SRSF5: variants seen among roughly 807,000 people sequenced by gnomAD.
SRSF5 encodes serine/arginine-rich splicing factor 5.
Under a neutral mutation model 34.0 loss-of-function variants are expected in SRSF5, and 5 were observed. The ratio of observed to expected loss-of-function variants is 0.15; its 90% CI spans 0.08 to 0.31. SRSF5 has a LOEUF of 0.31. SRSF5 is among the 10% of genes least tolerant of loss of function. The pLI is 1.00. For synonymous variants in SRSF5, 164 were observed against 117.7 expected (o/e 1.39, Z -2.55); for missense variants, 223 against 351.4 (o/e 0.63, Z 2.92).
intron 1 of SRSF5, 163 bp from the exon 2 acceptor site, chr14:69,767,970 TTTTCA>T (rs1193824583): frequency 1.5e-6 from 1 of 680,284 alleles, no homozygotes; most frequent in Non-Finnish European, 2.4e-6. Context: ...GGGAGCTGGG[TTTTCA>T]TTTTGTCTGC....
intron 6 of SRSF5, 91 bp from the exon 7 acceptor site, chr14:69,770,904 T>G (rs1028443946): frequency 8.9e-7 from 1 of 1,122,642 alleles, no homozygotes; most frequent in Non-Finnish European, 1.3e-6. Context: ...ATAGCAAAAG[T>G]GAACATAGAA....
intron 1 of SRSF5, chr14:69,767,546 T>C (rs766803803): frequency 2.2e-6 from 1 of 455,922 alleles, no homozygotes. Flanking sequence ...GGGATCTCCC[T>C]GACTTTGCTG....
intron 1 of SRSF5, chr14:69,767,470 G>A (rs1377804824): frequency 2.2e-6 from 1 of 455,906 alleles, no homozygotes; most frequent in Admixed American, 2.3e-5. Context: ...TTTTTACACA[G>A]CGGTTGTGCG....
intron 6 of SRSF5, 165 bp from the exon 7 acceptor site, chr14:69,770,830 T>C: frequency 1.4e-6 from 1 of 710,510 alleles, no homozygotes; most frequent in African/African-American, 1.8e-5. Flanking sequence ...GCTCAAAGTA[T>C]AACAGTGCCA....
chr14:69,770,163 C>CT (rs1280621233), intron 5 of SRSF5: 2 of 1,084,210 alleles, frequency 1.8e-6, no homozygotes, highest in East Asian at 6.2e-5. Flanking sequence ...GTACTGTTTC[C>CT]TTTTTTGTTG....
chr14:69,769,129 A>C (rs111428331), intron 4 of SRSF5, 53 bp from the exon 5 acceptor site: 18 of 1,602,762 alleles, frequency 1.1e-5, no homozygotes, highest in African/African-American at 5.4e-5. Flanking sequence ...ACAGTTGAAC[A>C]CAAGTGCTGT....
At chr14:69,770,053 C>CT (rs1192604553) in intron 5 of SRSF5, 1 of 1,016,106 alleles carries the variant, frequency 9.8e-7, no homozygotes, top group African/African-American at 1.7e-5. Flanking sequence ...GTAAAGTAAA[C>CT]TTTTTTAATG....
At chr14:69,769,042 A>G (rs1484222939) in intron 4 of SRSF5, 140 bp from the exon 5 acceptor site, 7 of 1,280,570 alleles carry the variant, frequency 5.5e-6, no homozygotes, top group African/African-American at 3.0e-5. Flanking sequence ...TGATGAATCT[A>G]TATGAGTCAT....
In SRSF5 at chr14:69,770,929, C is replaced by G. The variant is rs961603308; in HGVS notation, c.441-66C>G. On this transcript the variant is annotated intron_variant, in intron 6 of 7. Transcript: ENST00000557154. ...TGAACATAGAAACGACTTACCTAGA[C>G]TGCTGTGTGCAATGTGTGAGACTAC... 7 of 1,358,104 alleles carry G rather than the reference C, an allele frequency of 5.2e-6. No homozygotes were observed. The African/African-American group carries it at 8.8e-5, about 17-fold the overall frequency. The allele number at this position is 1,358,104 out of a possible 1,614,324, so 84.1% of individuals were successfully genotyped here. A position where few individuals can be genotyped will look rare whatever the true frequency, so the allele number is the denominator to read the frequency against.
rs192471217 is a variant in SRSF5, at chr14:69,769,169, T to A, written c.297-13T>A. ...GCATTTCTTCCATTGTGAATACGAA[T>A]TTTCTTCCTCAGAAATGCTCCACCT... On this transcript the variant is annotated splice_polypyrimidine_tract_variant and intron_variant, in intron 4 of 7. Transcript: ENST00000557154. The A allele has an allele frequency of 7.4e-6, 12 of 1,614,202 alleles. No individual in the cohort carries two copies. The Admixed American group carries it at 1.7e-4, about 22-fold the overall frequency.
chr14:69,769,955 C>T (rs1229844521), intron 5 of SRSF5: 2 of 1,058,460 alleles, frequency 1.9e-6, no homozygotes, highest in Non-Finnish European at 2.3e-6. Context: ...AAGTGGGTGG[C>T]GAAGAGCCAG....
At chr14:69,770,578 C>T (rs373928563) in intron 6 of SRSF5, 38 bp downstream of exon 6, 95 of 1,569,284 alleles carry the variant, frequency 6.1e-5, no homozygotes, top group Non-Finnish European at 7.2e-5. Flanking sequence ...TAAAAATATC[C>T]GGAAAATTTT....
intron 5 of SRSF5, chr14:69,769,643 C>T: frequency 1.3e-6 from 2 of 1,532,280 alleles, no homozygotes; most frequent in Non-Finnish European, 8.7e-7. Flanking sequence ...ACCTCTAGAT[C>T]TGTGTTTGCC....
At chr14:69,768,711 A>T in intron 3 of SRSF5, 37 bp downstream of exon 3, 1 of 1,609,116 alleles carries the variant, frequency 6.2e-7, no homozygotes, top group Admixed American at 1.7e-5. Flanking sequence ...CCTGGGACAT[A>T]GAGCAGACTG....
intron 6 of SRSF5, chr14:69,770,741 G>A: frequency 4.7e-6 from 3 of 642,944 alleles, no homozygotes; most frequent in East Asian, 2.7e-5. Context: ...AGAGGATGCT[G>A]TTGGCATGTA....
rs1883234579 is a variant in SRSF5 at position 69,771,749 on chromosome 14, T to G, written c.*288T>G. 3.5e-6 allele frequency: 1 copy of G among 282,352 alleles called. No homozygotes were observed. Among genetic ancestry groups the G allele is most frequent in the South Asian group, 8.7e-5 (1 of 11,480 alleles). The allele number at this position is 282,352 out of a possible 1,614,324, so 17.5% of individuals were successfully genotyped here. A position where few individuals can be genotyped will look rare whatever the true frequency, so the allele number is the denominator to read the frequency against. ...AGAGCTCTTTTATAACTAAAGCAAA[T>G]TTAATTTTTTTGTACTAGAAAAAAA... On this transcript the variant is annotated 3_prime_UTR_variant, in exon 8 of 8. Transcript: ENST00000557154.
Position 69,768,521 on chromosome 14 carries a change from C to T in SRSF5, c.127-83C>T, listed in dbSNP as rs536398601. On this transcript the variant is annotated intron_variant, in intron 2 of 7. Coordinates refer to ENST00000557154, the MANE Select transcript of SRSF5 (RefSeq NM_001320214.2). Reference sequence around the variant, plus strand: ...GTGTCGTTAAGATACTCTTCCCATTCTGTCTCCTGATTTCAGTGCTCTTAA... The same window carrying T: ...GTGTCGTTAAGATACTCTTCCCATTTTGTCTCCTGATTTCAGTGCTCTTAA... 50 of 1,389,042 alleles carry T rather than the reference C, an allele frequency of 3.6e-5. No individual in the cohort carries two copies. The South Asian group carries it at 5.9e-4, about 16-fold the overall frequency. 86.0% of individuals were successfully genotyped at this position (1,389,042 alleles called of 1,614,324 possible).
chr14:69,767,751 T>C, intron 1 of SRSF5: 2 of 355,444 alleles, frequency 5.6e-6, no homozygotes, highest in East Asian at 7.8e-5. Flanking sequence ...GATTCTGGCT[T>C]CCACCCGCTG....
intron 2 of SRSF5, 27 bp downstream of exon 2, chr14:69,768,309 T>A (rs527797415): frequency 1.2e-6 from 2 of 1,613,606 alleles, no homozygotes; most frequent in Non-Finnish European, 8.5e-7. Flanking sequence ...GGGTGAATTA[T>A]CTGCTAAGTA....
Sources: allele counts gnomAD v4.1 joint callset, GRCh38; gene constraint gnomAD v4.1.1; transcripts MANE v1.5; gene names NCBI Gene and HGNC (gene_info 2026-07-23, HGNC 2026-07-21).